The following ASIC2 variants were observed in gnomAD, a reference collection of about 807,000 sequenced individuals.
The protein encoded by ASIC2 is acid sensing ion channel subunit 2.
ASIC2 carries 25 observed loss-of-function variants against 57.3 expected under a neutral mutation model. That is an observed-to-expected ratio of 0.44 (90% CI 0.32 to 0.61). The LOEUF is 0.61. Among genes scored for constraint, ASIC2 ranks in the 20% least tolerant of loss-of-function variants. ASIC2 has a pLI of 0.06. For synonymous variants in ASIC2, 319 were observed against 307.5 expected (o/e 1.04, Z -0.39); for missense variants, 641 against 738.1 (o/e 0.87, Z 1.52).
rs118078246 is a variant in ASIC2 at position 34,114,614 on chromosome 17, C to T, written c.555+41364G>A. Among the ~76,000 whole-genome samples the T allele has an allele frequency of 1.2e-4, 19 of 152,310 alleles. No homozygotes were observed. In the East Asian group the frequency reaches 3.7e-3, roughly 29 times the overall value. On this transcript the variant is annotated intron_variant, in intron 1 of 9. Transcript: ENST00000359872. ...CTAAAAGCAAGTCAGGGATGTACTA[C>T]AATTTGCCCAATACCTGGTACCTAG...
At chr17:33,688,620 T>G (rs1908268980) in intron 1 of ASIC2, among the ~76,000 whole-genome samples, 1 of 152,204 alleles carries the variant, frequency 6.6e-6, no homozygotes, top group African/African-American at 2.4e-5. Context: ...AATAAAATGT[T>G]TGTGGATTGG....
At chr17:33,431,143 G>T (rs1250951458) in intron 1 of ASIC2, among the ~76,000 whole-genome samples, 2 of 152,140 alleles carry the variant, frequency 1.3e-5, no homozygotes, top group African/African-American at 4.8e-5. Flanking sequence ...ACTGGGAAGG[G>T]GTCTGCCCAC....
intron 1 of ASIC2, among the ~76,000 whole-genome samples, chr17:33,713,693 T>G (rs975833313): frequency 6.6e-6 from 1 of 152,254 alleles, no homozygotes; most frequent in Non-Finnish European, 1.5e-5. Context: ...GGCAATGCTA[T>G]TCAACGCAGT....
intron 1 of ASIC2, among the ~76,000 whole-genome samples, chr17:33,770,138 C>G (rs900902441): frequency 1.3e-5 from 2 of 152,226 alleles, no homozygotes; most frequent in Non-Finnish European, 2.9e-5. Flanking sequence ...TTGTATCACT[C>G]TTCATCTCAC....
At chr17:33,429,465 A>T (rs1911330288) in intron 1 of ASIC2, among the ~76,000 whole-genome samples, 1 of 151,928 alleles carries the variant, frequency 6.6e-6, no homozygotes. Context: ...ATCTCGGCTC[A>T]CTGCAAGCTC....
chr17:33,203,809 A>G (rs932079316), intron 1 of ASIC2, among the ~76,000 whole-genome samples: 5 of 152,176 alleles, frequency 3.3e-5, no homozygotes, highest in African/African-American at 1.2e-4. Context: ...CTCTCTGAGT[A>G]TGTGGGGCAG....
chr17:34,096,312 T>A (rs989873294), intron 1 of ASIC2, among the ~76,000 whole-genome samples: 1 of 152,100 alleles, frequency 6.6e-6, no homozygotes, highest in Non-Finnish European at 1.5e-5. Context: ...AGGTATAGCA[T>A]GAGTTAAAGG....
intron 1 of ASIC2, among the ~76,000 whole-genome samples, chr17:33,988,314 G>A (rs1003865663): frequency 4.6e-5 from 7 of 152,178 alleles, no homozygotes; most frequent in South Asian, 4.1e-4. Context: ...ATTGAATCAC[G>A]GGAGCAAGTC....
intron 1 of ASIC2, among the ~76,000 whole-genome samples, chr17:33,724,510 A>C (rs956843965): frequency 2.4e-4 from 37 of 152,154 alleles, no homozygotes; most frequent in African/African-American, 8.9e-4. Context: ...GCTGAAGGTG[A>C]CTGAGTCCAG....
chr17:33,218,907 C>T (rs192327963), intron 1 of ASIC2, among the ~76,000 whole-genome samples: 3 of 152,260 alleles, frequency 2.0e-5, no homozygotes, highest in African/African-American at 4.8e-5. Context: ...GGATCTGCCA[C>T]GCATGTTTTC....
intron 1 of ASIC2, among the ~76,000 whole-genome samples, chr17:33,522,312 G>C (rs189659710): frequency 2.6e-3 from 389 of 152,330 alleles, no homozygotes; most frequent in Middle Eastern, 3.4e-3. Flanking sequence ...GTTCCTGAAG[G>C]CCTACATTTG....
At chr17:33,960,889 C>T (rs1270623006) in intron 1 of ASIC2, among the ~76,000 whole-genome samples, 1 of 152,154 alleles carries the variant, frequency 6.6e-6, no homozygotes, top group Non-Finnish European at 1.5e-5. Context: ...GAGTCAGATC[C>T]GTGCTGCTCT....
chr17:34,013,405 G>A (rs986608148), intron 1 of ASIC2, among the ~76,000 whole-genome samples: 2 of 152,228 alleles, frequency 1.3e-5, no homozygotes, highest in Admixed American at 6.5e-5. Context: ...AGCTCCTACA[G>A]TTCCTAACGG....
intron 1 of ASIC2, among the ~76,000 whole-genome samples, chr17:33,949,212 T>C (rs1597945020): frequency 6.6e-6 from 1 of 152,200 alleles, no homozygotes; most frequent in East Asian, 1.9e-4. Flanking sequence ...AGGAATCCTT[T>C]GTGGACACAA....
chr17:33,588,812 G>T (rs1487766911), intron 1 of ASIC2, among the ~76,000 whole-genome samples: 1 of 152,214 alleles, frequency 6.6e-6, no homozygotes, highest in Non-Finnish European at 1.5e-5. Flanking sequence ...AAAAAGTGTG[G>T]TGGGAGAAGA....
intron 1 of ASIC2, chr17:34,155,826 C>A: frequency 1.2e-6 from 1 of 829,896 alleles, no homozygotes. Flanking sequence ...CCAGCTCGCA[C>A]AACTCTGACC....
chr17:34,031,240 C>A (rs1226285919), intron 1 of ASIC2, among the ~76,000 whole-genome samples: 2 of 152,158 alleles, frequency 1.3e-5, no homozygotes, highest in African/African-American at 4.8e-5. Context: ...CTGTGGATAC[C>A]CAGGCAAACA....
intron 1 of ASIC2, among the ~76,000 whole-genome samples, chr17:33,868,185 G>A (rs1567739889): frequency 9.5e-6 from 1 of 105,044 alleles, no homozygotes; most frequent in African/African-American, 3.0e-5. Context: ...AAATGTATGT[G>A]TGTGTGTGTA....
chr17:33,205,905 C>T (rs1365279599), intron 1 of ASIC2, among the ~76,000 whole-genome samples: 3 of 152,204 alleles, frequency 2.0e-5, no homozygotes, highest in Admixed American at 1.3e-4. Flanking sequence ...CCCCTAATTC[C>T]CCATTCTGAG....
Sources: allele counts gnomAD v4.1 joint callset (sites outside exome capture counted in the v4.1 genomes callset), GRCh38; gene constraint gnomAD v4.1.1; transcripts MANE v1.5; gene names NCBI Gene and HGNC (gene_info 2026-07-23, HGNC 2026-07-21).